ORC3: variants seen among roughly 807,000 people sequenced by gnomAD.
ORC3 encodes the protein origin recognition complex subunit 3.
In ORC3, 78 loss-of-function variants were observed where a neutral mutation model predicts 100.7. The ratio of observed to expected loss-of-function variants is 0.77; its 90% CI spans 0.65 to 0.94. The LOEUF is 0.94. Ranked by LOEUF, ORC3 falls within the 40% of genes least tolerant of loss-of-function variation. The probability of loss-of-function intolerance (pLI) is 0.00; values close to 1 mark genes in which losing one functional copy is unlikely to be tolerated. For synonymous variants in ORC3, 295 were observed against 289.3 expected, an observed-to-expected ratio of 1.02 and a Z score of -0.20; for missense variants, 789 against 823.9, an observed-to-expected ratio of 0.96 and a Z score of 0.52.
In ORC3 at chr6:87,636,400, CT is replaced by C; in HGVS notation, c.1303-5del. The stretch of plus-strand genomic sequence containing the variant: ...TGGTTCCTCACAAATGTGTTGTTCC[CT>C]TACAGATCAGAGAGTTGTACTGTAC... On this transcript the variant is annotated splice_region_variant and splice_polypyrimidine_tract_variant and intron_variant, in intron 12 of 19. Coordinates refer to ENST00000392844, the MANE Select transcript of ORC3 (RefSeq NM_012381.4). 6.3e-7 allele frequency: 1 copy of C among 1,584,296 alleles called. No homozygotes were observed. Among genetic ancestry groups the C allele is most frequent in the Non-Finnish European group, 8.7e-7 (1 of 1,153,748 alleles).
chr6:87,618,299 A>AC (rs1002578023), intron 9 of ORC3, among the ~76,000 whole-genome samples: 67 of 152,138 alleles, frequency 4.4e-4, no homozygotes, highest in African/African-American at 1.6e-3. Context: ...AATCCCAGCT[A>AC]CTTGGGGGGC....
At chr6:87,597,641 TATAGA>T (rs1777548179) in intron 2 of ORC3, among the ~76,000 whole-genome samples, 1 of 151,734 alleles carries the variant, frequency 6.6e-6, no homozygotes, top group East Asian at 1.9e-4. Flanking sequence ...AACTTGAATA[TATAGA>T]ATAGGATTTT....
intron 17 of ORC3, among the ~76,000 whole-genome samples, chr6:87,663,929 A>G (rs1439318155): frequency 6.6e-6 from 1 of 152,198 alleles, no homozygotes; most frequent in Admixed American, 6.5e-5. Flanking sequence ...TCTCATTGCA[A>G]AACGGCACAC....
intron 13 of ORC3, among the ~76,000 whole-genome samples, chr6:87,648,336 A>G (rs1321553565): frequency 2.0e-5 from 3 of 152,234 alleles, no homozygotes; most frequent in Non-Finnish European, 2.9e-5. Context: ...CCAGTCATCC[A>G]CTGTTAGCTA....
intron 7 of ORC3, 173 bp downstream of exon 7, chr6:87,609,402 T>A (rs1340567310): frequency 1.9e-6 from 1 of 514,080 alleles, no homozygotes; most frequent in Non-Finnish European, 3.3e-6. Context: ...ATTTGCTTTT[T>A]GAGCCAAGAA....
the ORC3 span, chr6:87,677,691 A>G: frequency 8.4e-7 from 1 of 1,190,544 alleles, no homozygotes; most frequent in South Asian, 1.6e-5. Flanking sequence ...TTCTTTCCTG[A>G]ACTGAAATTT....
At chr6:87,599,013 GA>G (rs1777679006) in intron 2 of ORC3, among the ~76,000 whole-genome samples, 2 of 152,196 alleles carry the variant, frequency 1.3e-5, no homozygotes, top group African/African-American at 4.8e-5. Context: ...CACTGTAGGA[GA>G]TACCCACACT....
chr6:87,644,883 T>C (rs920364699), intron 13 of ORC3, among the ~76,000 whole-genome samples: 1 of 151,994 alleles, frequency 6.6e-6, no homozygotes, highest in African/African-American at 2.4e-5. Context: ...AGTATGTGTA[T>C]ATTTGAACTT....
At chr6:87,624,483 A>AAAAAC (rs1324508053) in intron 11 of ORC3, among the ~76,000 whole-genome samples, 1 of 152,192 alleles carries the variant, frequency 6.6e-6, no homozygotes, top group African/African-American at 2.4e-5. Context: ...TTCAAAGAAC[A>AAAAAC]AAAACAAAAC....
chr6:87,657,466 G>A (rs140490045), intron 15 of ORC3, among the ~76,000 whole-genome samples: 487 of 152,254 alleles, frequency 3.2e-3, no homozygotes, highest in African/African-American at 0.011. Flanking sequence ...GATCTTGATT[G>A]TCGAAATGAA....
the ORC3 span, among the ~76,000 whole-genome samples, chr6:87,674,121 T>A: frequency 3.3e-5 from 5 of 151,774 alleles, no homozygotes; most frequent in African/African-American, 1.2e-4. Flanking sequence ...GCCAAAATGG[T>A]GAAACCCTGT....
At position 87,621,934 on chromosome 6, in the gene ORC3, A is replaced by G; in HGVS notation, c.1122-16A>G. 1 of 1,573,508 alleles carries G rather than the reference A, an allele frequency of 6.4e-7. No individual in the cohort carries two copies. On this transcript the variant is annotated splice_polypyrimidine_tract_variant and intron_variant, in intron 10 of 19. Coordinates refer to ENST00000392844, the MANE Select transcript of ORC3 (RefSeq NM_012381.4). Reference sequence around the variant, plus strand: ...TTAATTTTCTCTTTTTATGTATGGAATGGTGAAAATTCTAGGTACGTGGAA... The same window carrying G: ...TTAATTTTCTCTTTTTATGTATGGAGTGGTGAAAATTCTAGGTACGTGGAA...
At chr6:87,605,322 G>A (rs1778248600) in intron 4 of ORC3, among the ~76,000 whole-genome samples, 1 of 152,166 alleles carries the variant, frequency 6.6e-6, no homozygotes, top group Non-Finnish European at 1.5e-5. Flanking sequence ...AGCTTGTTAG[G>A]AATTTGACAA....
At chr6:87,668,831 A>AAAT (rs1474000855), downstream of ORC3, among the ~76,000 whole-genome samples, 1 of 152,130 alleles carries the variant, frequency 6.6e-6, no homozygotes, top group Non-Finnish European at 1.5e-5. Context: ...AAAAATACAA[A>AAAT]AATTAGCTGG....
chr6:87,648,297 T>C (rs1362630059), intron 13 of ORC3, among the ~76,000 whole-genome samples: 1 of 152,236 alleles, frequency 6.6e-6, no homozygotes, highest in African/African-American at 2.4e-5. Flanking sequence ...TTTTCTGATA[T>C]TACCCCTTGT....
At chr6:87,618,159 C>T (rs752141719) in intron 9 of ORC3, among the ~76,000 whole-genome samples, 11 of 152,138 alleles carry the variant, frequency 7.2e-5, no homozygotes, top group Non-Finnish European at 1.5e-4. Flanking sequence ...GCCTATAATC[C>T]CAGCACTTGG....
At chr6:87,594,487 T>A (rs1777284132) in intron 2 of ORC3, 80 bp downstream of exon 2, 17 of 1,426,174 alleles carry the variant, frequency 1.2e-5, no homozygotes, top group Non-Finnish European at 1.5e-5. Flanking sequence ...ATTTAGTAAT[T>A]CTCTTGTCTA....
intron 13 of ORC3, among the ~76,000 whole-genome samples, chr6:87,648,736 G>A (rs1306887750): frequency 1.3e-5 from 2 of 152,138 alleles, no homozygotes; most frequent in Non-Finnish European, 2.9e-5. Flanking sequence ...GTCATCATTA[G>A]TATTACATAT....
At position 87,667,163 on chromosome 6, in the gene ORC3, A is replaced by T. The variant is rs371602431; in HGVS notation, c.*40A>T. 1.6e-5 allele frequency: 20 copies of T among 1,232,986 alleles called. No individual in the cohort carries two copies. The African/African-American group carries it at 2.6e-4, about 16-fold the overall frequency. The allele number at this position is 1,232,986 out of a possible 1,614,324, so 76.4% of individuals were successfully genotyped here. On this transcript the variant is annotated 3_prime_UTR_variant, in exon 20 of 20. Transcript: ENST00000392844. The stretch of plus-strand genomic sequence containing the variant: ...AAGCCAGAACTATCACATTTAGCTT[A>T]AGAGAAAAAGGTGACCAGTCATATT...
Sources: gnomAD v4.1 joint callset for allele counts (sites outside exome capture counted in the v4.1 genomes callset) on GRCh38, gnomAD v4.1.1 for gene constraint, MANE v1.5 for transcripts, NCBI Gene and HGNC (gene_info 2026-07-23, HGNC 2026-07-21) for gene names.